ESRRG: variants seen among roughly 807,000 people sequenced by gnomAD.
ESRRG encodes the protein estrogen related receptor gamma.
A neutral mutation model predicts 44.0 loss-of-function variants in ESRRG; 13 were observed. The observed-to-expected ratio is 0.30, with a 90% CI of 0.19 to 0.47. The LOEUF (loss-of-function observed/expected upper bound fraction) is 0.47. ESRRG is among the 20% of genes least tolerant of loss of function. ESRRG has a pLI of 1.00. For synonymous variants in ESRRG, 215 were observed against 214.6 expected (o/e 1.00, Z -0.02); for missense variants, 395 against 580.6 (o/e 0.68, Z 3.29).
chr1:216,884,468 G>A (rs2096490242), intron 2 of ESRRG, among the ~76,000 whole-genome samples: 1 of 152,126 alleles, frequency 6.6e-6, no homozygotes, highest in African/African-American at 2.4e-5. Context: ...CTTGGTCTAT[G>A]TGTGCAGTGG....
intron 1 of ESRRG, among the ~76,000 whole-genome samples, chr1:216,720,032 C>T (rs1198303903): frequency 2.6e-5 from 4 of 152,046 alleles, no homozygotes; most frequent in Non-Finnish European, 4.4e-5. Flanking sequence ...GGGTACCCAT[C>T]ATTTATCCAC....
chr1:216,948,487 A>G (rs1353521382), intron 1 of ESRRG, among the ~76,000 whole-genome samples: 2 of 151,268 alleles, frequency 1.3e-5, no homozygotes, highest in African/African-American at 4.9e-5. Context: ...AAAAAAAAAA[A>G]AAAAAAAAGA....
At chr1:216,530,082 A>C (rs1007494988) in intron 5 of ESRRG, among the ~76,000 whole-genome samples, 1 of 137,812 alleles carries the variant, frequency 7.3e-6, no homozygotes, top group Non-Finnish European at 1.5e-5. Context: ...ACTGCACTCC[A>C]GCCTGGGTGG....
At chr1:216,522,275 T>G (rs1400485159) in intron 5 of ESRRG, among the ~76,000 whole-genome samples, 1 of 145,396 alleles carries the variant, frequency 6.9e-6, no homozygotes, top group Non-Finnish European at 1.5e-5. Context: ...TTTTTTTTTT[T>G]TTTTTTTTTG....
chr1:217,003,658 C>T (rs1410206602), intron 1 of ESRRG, among the ~76,000 whole-genome samples: 1 of 149,174 alleles, frequency 6.7e-6, no homozygotes, highest in African/African-American at 2.5e-5. Flanking sequence ...AGAGTATTTA[C>T]AATCAGTAAT....
At chr1:217,119,078 T>C (rs1413064410) in intron 1 of ESRRG, among the ~76,000 whole-genome samples, 1 of 152,126 alleles carries the variant, frequency 6.6e-6, no homozygotes, top group Non-Finnish European at 1.5e-5. Flanking sequence ...CAGATAGATA[T>C]ATTTCAAGAA....
At chr1:216,917,340 T>C (rs1434658520) in intron 2 of ESRRG, among the ~76,000 whole-genome samples, 1 of 152,040 alleles carries the variant, frequency 6.6e-6, no homozygotes, top group Non-Finnish European at 1.5e-5. Context: ...AGTGTGAGTA[T>C]AAAAGACATG....
chr1:216,689,066 C>T (rs1461499102), intron 1 of ESRRG, among the ~76,000 whole-genome samples: 3 of 152,174 alleles, frequency 2.0e-5, no homozygotes, highest in Admixed American at 6.6e-5. Flanking sequence ...AATATAATAA[C>T]TGGCATTCGC....
chr1:216,996,862 A>G (rs1239327505), intron 1 of ESRRG, among the ~76,000 whole-genome samples: 1 of 152,180 alleles, frequency 6.6e-6, no homozygotes, highest in Non-Finnish European at 1.5e-5. Context: ...TATGGCCCCA[A>G]TGAGACTGCA....
intron 2 of ESRRG, among the ~76,000 whole-genome samples, chr1:216,675,626 A>G (rs1559155696): frequency 6.6e-6 from 1 of 152,162 alleles, no homozygotes; most frequent in Non-Finnish European, 1.5e-5. Context: ...GGGGGTCTAA[A>G]TTTGAATTAG....
chr1:217,099,287 T>C (rs12033461), intron 1 of ESRRG, among the ~76,000 whole-genome samples: 17,216 of 151,490 alleles, frequency 0.11, 1,259 homozygotes, highest in East Asian at 0.24. Flanking sequence ...ATCCTACTTA[T>C]CCCTCATGAT....
At chr1:216,912,826 T>C (rs181214636) in intron 2 of ESRRG, among the ~76,000 whole-genome samples, 170 of 152,066 alleles carry the variant, frequency 1.1e-3, no homozygotes, top group Admixed American at 2.1e-3. Flanking sequence ...CAACCATTAA[T>C]TGAAAATATT....
intron 5 of ESRRG, among the ~76,000 whole-genome samples, chr1:216,535,451 G>T (rs1249422432): frequency 2.6e-5 from 4 of 152,044 alleles, no homozygotes; most frequent in African/African-American, 7.2e-5. Flanking sequence ...ATTTTATCCT[G>T]CAAACATGAT....
intron 1 of ESRRG, chr1:217,076,877 C>T (rs1018758842): frequency 2.6e-5 from 4 of 152,168 alleles, no homozygotes; most frequent in Non-Finnish European, 5.9e-5. Flanking sequence ...AGTCACCACA[C>T]TTTGCCCAGA....
At chr1:216,781,481 T>C (rs1316790138) in intron 2 of ESRRG, among the ~76,000 whole-genome samples, 1 of 152,070 alleles carries the variant, frequency 6.6e-6, no homozygotes, top group Admixed American at 6.6e-5. Context: ...TGTGTGAGCA[T>C]ATGCAGAAGA....
intron 1 of ESRRG, among the ~76,000 whole-genome samples, chr1:217,005,437 T>C (rs1214735823): frequency 6.6e-6 from 1 of 152,128 alleles, no homozygotes; most frequent in African/African-American, 2.4e-5. Context: ...GCCAAATCAA[T>C]AAAAATTTCA....
At chr1:216,582,169 A>G (rs1323775087) in intron 3 of ESRRG, among the ~76,000 whole-genome samples, 2 of 152,232 alleles carry the variant, frequency 1.3e-5, no homozygotes, top group Non-Finnish European at 2.9e-5. Flanking sequence ...TAATGTATAA[A>G]ATACATGTGT....
chr1:216,585,468 A>G (rs1479517858), intron 3 of ESRRG, among the ~76,000 whole-genome samples: 6 of 151,242 alleles, frequency 4.0e-5, no homozygotes, highest in Non-Finnish European at 7.4e-5. Context: ...CTTGAAATCA[A>G]AAAGTAAAAA....
intron 3 of ESRRG, among the ~76,000 whole-genome samples, chr1:216,600,526 T>G (rs2059061033): frequency 6.6e-6 from 1 of 152,182 alleles, no homozygotes; most frequent in Non-Finnish European, 1.5e-5. Flanking sequence ...TTTGTTTTGT[T>G]TTTTAACTTT....
Sources: allele counts gnomAD v4.1 joint callset (sites outside exome capture counted in the v4.1 genomes callset), GRCh38; gene constraint gnomAD v4.1.1; transcripts MANE v1.5; gene names NCBI Gene and HGNC (gene_info 2026-07-23, HGNC 2026-07-21).